PCSK6: variants seen among roughly 807,000 people sequenced by gnomAD.
The protein encoded by PCSK6 is paired basic amino acid cleaving enzyme 4.
In PCSK6, 85 loss-of-function variants were observed where a neutral mutation model predicts 123.3. The observed-to-expected ratio is 0.69, with a 90% CI of 0.58 to 0.83. The LOEUF is 0.83. PCSK6 is among the 40% of genes least tolerant of loss of function. The probability of loss-of-function intolerance (pLI) is 0.00; values close to 1 mark genes in which losing one functional copy is unlikely to be tolerated. For missense variants in PCSK6, 1,191 were observed against 1,282.3 expected, an observed-to-expected ratio of 0.93 and a Z score of 1.09; for synonymous variants, 508 against 516.0, an observed-to-expected ratio of 0.98 and a Z score of 0.21.
chr15:101,384,639 G>A (rs2042008361), intron 9 of PCSK6, among the ~76,000 whole-genome samples: 1 of 152,222 alleles, frequency 6.6e-6, no homozygotes, highest in Non-Finnish European at 1.5e-5. Flanking sequence ...GGTTCAATGG[G>A]TGACCCAAAA....
intron 9 of PCSK6, among the ~76,000 whole-genome samples, chr15:101,385,048 G>A (rs1017281243): frequency 2.0e-5 from 3 of 152,118 alleles, no homozygotes; most frequent in Non-Finnish European, 4.4e-5. Context: ...ACAGGGTCTC[G>A]CCCTGTTGCC....
intron 9 of PCSK6, among the ~76,000 whole-genome samples, chr15:101,387,413 T>A (rs1488112655): frequency 6.6e-6 from 1 of 152,178 alleles, no homozygotes; most frequent in Non-Finnish European, 1.5e-5. Flanking sequence ...CCTGGAAATC[T>A]TGAATTTAGG....
intron 6 of PCSK6, among the ~76,000 whole-genome samples, chr15:101,417,247 G>A (rs967481070): frequency 2.0e-5 from 3 of 152,176 alleles, no homozygotes; most frequent in Admixed American, 6.5e-5. Flanking sequence ...TGATTCTGAC[G>A]CCTCCCCAGC....
intron 20 of PCSK6, among the ~76,000 whole-genome samples, chr15:101,311,039 G>A (rs986208897): frequency 3.3e-5 from 5 of 152,150 alleles, no homozygotes; most frequent in Admixed American, 2.6e-4. Context: ...CTCATAAATG[G>A]CCTCACACCA....
chr15:101,462,925 G>A (rs1366001874), intron 1 of PCSK6: 3 of 441,596 alleles, frequency 6.8e-6, no homozygotes, highest in African/African-American at 4.0e-5. Context: ...TGTGGAGAAA[G>A]GTCACCAGCT....
intron 11 of PCSK6, among the ~76,000 whole-genome samples, chr15:101,372,520 T>G (rs922909417): frequency 6.6e-6 from 1 of 152,252 alleles, no homozygotes; most frequent in Non-Finnish European, 1.5e-5. Flanking sequence ...TAGTGTTTAC[T>G]GGCCAGCAGC....
intron 6 of PCSK6, among the ~76,000 whole-genome samples, chr15:101,408,633 A>T (rs2042848404): frequency 6.6e-6 from 1 of 152,202 alleles, no homozygotes; most frequent in Non-Finnish European, 1.5e-5. Context: ...CCGCTCCCTG[A>T]CAGCAGCAGC....
Position 101,469,723 on chromosome 15 carries a change from T to C in PCSK6, c.297+19651A>G, listed in dbSNP as rs144290836. Among the ~76,000 whole-genome samples, 541 of 152,318 alleles carry C rather than the reference T, an allele frequency of 3.6e-3. 3 individuals are homozygous for C. Among genetic ancestry groups the C allele is most frequent in the African/African-American group, 0.012 (514 of 41,576 alleles). On this transcript the variant is annotated intron_variant, in intron 1 of 21. Coordinates refer to ENST00000611716, the MANE Select transcript of PCSK6 (RefSeq NM_002570.5). ...GGCTGGAAATGTCCCAGCTGCTGAA[T>C]CATGGCTCAGCAGTTTGTCTCCTAG...
intron 13 of PCSK6, among the ~76,000 whole-genome samples, chr15:101,342,660 G>C (rs544120979): frequency 8.5e-5 from 13 of 152,352 alleles, no homozygotes; most frequent in South Asian, 8.3e-4. Context: ...CCAGCACTTT[G>C]GGAGGCTGAG....
rs11303524 is a variant in PCSK6 at position 101,485,957 on chromosome 15, ATTT to A, written c.297+3414_297+3416del. On this transcript the variant is annotated intron_variant, in intron 1 of 21. Coordinates refer to ENST00000611716, the MANE Select transcript of PCSK6 (RefSeq NM_002570.5). ...ACAACGCATCTCTCCATTTATTTAA[ATTT>A]TTTTTTTTTTTTTTTTTTTTGAGAC... 3.2e-3 allele frequency among the ~76,000 whole-genome samples: 369 copies of A among 116,066 alleles called. 2 individuals carry two copies. Among genetic ancestry groups the A allele is most frequent in the African/African-American group, 0.011 (321 of 30,154 alleles). 76.1% of individuals were successfully genotyped at this position (116,066 alleles called of 152,430 possible).
chr15:101,409,209 GCA>G (rs1378969375), intron 6 of PCSK6, among the ~76,000 whole-genome samples: 1 of 152,042 alleles, frequency 6.6e-6, no homozygotes, highest in African/African-American at 2.4e-5. Flanking sequence ...TGTAATCCCA[GCA>G]CTTTGGGCGG....
chr15:101,337,905 G>A (rs1010472460), intron 13 of PCSK6, among the ~76,000 whole-genome samples: 4 of 152,314 alleles, frequency 2.6e-5, no homozygotes, highest in Non-Finnish European at 4.4e-5. Context: ...ATGACAGAAC[G>A]TTTAGTCCAG....
Position 101,398,715 on chromosome 15 carries a change from A to G in PCSK6, c.824-139T>C. ...CAGGGGCTGTTCCCAGTCATTCTGCAAAACTGGCTCCTCTTCTCCATGCTG... is the reference window on the plus strand; with the variant it reads ...CAGGGGCTGTTCCCAGTCATTCTGCGAAACTGGCTCCTCTTCTCCATGCTG... On this transcript the variant is annotated intron_variant, in intron 6 of 21. Coordinates refer to ENST00000611716, the MANE Select transcript of PCSK6 (RefSeq NM_002570.5). The surrounding 1 kb of genome is among the most constrained non-coding windows in gnomAD (Gnocchi z 4.6). 1.1e-6 allele frequency: 1 copy of G among 918,478 alleles called. No individual in the cohort carries two copies. The highest frequency in any genetic ancestry group is 1.6e-6 in the Non-Finnish European group (1 of 632,134). The allele number at this position is 918,478 out of a possible 1,614,324, so 56.9% of individuals were successfully genotyped here. A position where few individuals can be genotyped will look rare whatever the true frequency, so the allele number is the denominator to read the frequency against.
At chr15:101,423,030 T>C (rs768335989) in intron 6 of PCSK6, among the ~76,000 whole-genome samples, 1 of 152,068 alleles carries the variant, frequency 6.6e-6, no homozygotes, top group Non-Finnish European at 1.5e-5. Context: ...GAAAGAGAAA[T>C]ACATGACCCA....
Position 101,430,058 on chromosome 15 carries a change from G to A in PCSK6, c.663C>T (p.Ser221=). The A allele has an allele frequency of 1.5e-5, 24 of 1,613,618 alleles. No homozygotes were observed. Among genetic ancestry groups the A allele is most frequent in the Non-Finnish European group, 2.0e-5 (24 of 1,179,552 alleles). ...NHPDLAPNYD[S]YASYDVNGND... ...TGCCGTTCACGTCGTAGCTGGCGTA[G>A]GAATCCTAAGAAATGGAATCGTGGT... The change falls in exon 5 of 22, where the codon TCC becomes TCT. Residue 221 remains serine (S), a synonymous_variant. Coordinates refer to ENST00000611716, the MANE Select transcript of PCSK6 (RefSeq NM_002570.5).
chr15:101,489,362 G>C lies in PCSK6; in HGVS notation c.297+12C>G. 1 of 1,171,422 alleles carries C rather than the reference G, an allele frequency of 8.5e-7. No individual in the cohort carries two copies. The highest frequency in any genetic ancestry group is 2.2e-5 in the South Asian group (1 of 46,038). 72.6% of individuals were successfully genotyped at this position (1,171,422 alleles called of 1,614,324 possible). A position where few individuals can be genotyped will look rare whatever the true frequency, so the allele number is the denominator to read the frequency against. Reference sequence around the variant, plus strand: ...GGGAAAGTTTTGGGCGCGCGGGGCCGGCCGCACTCACCTGGCCCAAGTTGA... The same window carrying C: ...GGGAAAGTTTTGGGCGCGCGGGGCCCGCCGCACTCACCTGGCCCAAGTTGA... On this transcript the variant is annotated intron_variant, in intron 1 of 21. Coordinates refer to ENST00000611716, the MANE Select transcript of PCSK6 (RefSeq NM_002570.5).
intron 11 of PCSK6, among the ~76,000 whole-genome samples, chr15:101,379,387 C>A (rs2141495433): frequency 6.6e-6 from 1 of 152,348 alleles, no homozygotes; most frequent in African/African-American, 2.4e-5. Flanking sequence ...TAGAGGACTC[C>A]CGTGCTTAAC....
Position 101,431,454 on chromosome 15 carries a change from C to T in PCSK6, c.523G>A (p.Asp175Asn), listed in dbSNP as rs370793597. 15 of 1,613,530 alleles carry T rather than the reference C, an allele frequency of 9.3e-6. No homozygotes were observed. Among genetic ancestry groups the T allele is most frequent in the African/African-American group, 5.3e-5 (4 of 74,914 alleles). The change falls in exon 4 of 22, where the codon GAC (aspartate) becomes AAC (asparagine). Residue 175 changes from aspartate to asparagine, a missense_variant. This residue lies in a region of PCSK6 where 357 missense variants were observed against 484.5 expected (regional missense o/e 0.74). Coordinates refer to ENST00000611716, the MANE Select transcript of PCSK6 (RefSeq NM_002570.5). ...TCCGACCGGCAGCGACTGTTCTTGTCGCCACAATGCTGTAAGCACGAAAGA... is the reference window on the plus strand; with the variant it reads ...TCCGACCGGCAGCGACTGTTCTTGTTGCCACAATGCTGTAAGCACGAAAGA... ...WSNMWYLHCG[D>N]KNSRCRSEMN... is the part of the protein sequence containing the mutation.
At chr15:101,459,309 G>A (rs1295117149) in intron 1 of PCSK6, among the ~76,000 whole-genome samples, 1 of 152,062 alleles carries the variant, frequency 6.6e-6, no homozygotes, top group Non-Finnish European at 1.5e-5. Flanking sequence ...AAGTGTCCAG[G>A]CTCTCCCTTT....
Sources: gnomAD v4.1 joint callset for allele counts (sites outside exome capture counted in the v4.1 genomes callset) on GRCh38, gnomAD v4.1.1 for gene constraint, gnomAD v4.1.1 regional missense constraint, Gnocchi (gnomAD v3.1) non-coding constraint, MANE v1.5 for transcripts, NCBI Gene and HGNC (gene_info 2026-07-23, HGNC 2026-07-21) for gene names.